NBPF12: variants seen among roughly 807,000 people sequenced by gnomAD.
NBPF12 encodes the protein NBPF member 12.
Under a neutral mutation model 146.4 loss-of-function variants are expected in NBPF12, and 115 were observed. That is an observed-to-expected ratio of 0.79 (90% CI 0.68 to 0.92). NBPF12 has a LOEUF of 0.92. Ranked by LOEUF, NBPF12 falls within the 40% of genes least tolerant of loss-of-function variation. The pLI, the probability that NBPF12 is intolerant of heterozygous loss-of-function variation, is 0.00. For synonymous variants in NBPF12, 385 were observed against 508.9 expected, an observed-to-expected ratio of 0.76 and a Z score of 3.28; for missense variants, 1,205 against 1,326.8, an observed-to-expected ratio of 0.91 and a Z score of 1.43.
intron 11 of NBPF12, 88 bp downstream of exon 14, chr1:146,969,684 A>T (rs1331736139): frequency 1.3e-5 from 20 of 1,539,584 alleles, no homozygotes; most frequent in African/African-American, 4.1e-5. Flanking sequence ...CAGTTGTATC[A>T]GTGGGGTTTT....
rs1220112759 is a variant in NBPF12 at position 146,955,009 on chromosome 1, T to C, written c.-184+3520T>C. ...ATATATATATATATATATATATATA[T>C]ATATACACACACACACACATATATA... On this transcript the variant is annotated intron_variant, in intron 2 of 33. Transcript: ENST00000617844. Among the ~76,000 whole-genome samples, 514 of 77,894 alleles carry C rather than the reference T, an allele frequency of 6.6e-3. 33 individuals are homozygous for C. Among genetic ancestry groups the C allele is most frequent in the Middle Eastern group, 0.032 (5 of 156 alleles). 51.1% of individuals were successfully genotyped at this position (77,894 alleles called of 152,430 possible). A position where few individuals can be genotyped will look rare whatever the true frequency, so the allele number is the denominator to read the frequency against.
intron 8 of NBPF12, among the ~76,000 whole-genome samples, 197 bp from the exon 12 acceptor site, chr1:146,966,267 C>T (rs1269245710): frequency 6.6e-6 from 1 of 151,894 alleles, no homozygotes; most frequent in African/African-American, 2.4e-5. Context: ...TGTTTATGTC[C>T]TGCTTTAAAG....
chr1:146,980,138 C>T (rs1657277097), intron 19 of NBPF12, among the ~76,000 whole-genome samples: 1 of 151,826 alleles, frequency 6.6e-6, no homozygotes, highest in African/African-American at 2.4e-5. Flanking sequence ...GATTGCAACC[C>T]CTGCATTTTT....
In NBPF12 at chr1:146,943,836, C is replaced by G. The variant is rs1324063788; in HGVS notation, c.-550+274C>G. ...TTTTCCTTGGTAGCTAGATCTGCATCCCTCTCCTCTCTCTTCCCCTCTCAC... is the reference window on the plus strand; with the variant it reads ...TTTTCCTTGGTAGCTAGATCTGCATGCCTCTCCTCTCTCTTCCCCTCTCAC... On this transcript the variant is annotated intron_variant, in intron 2 of 35. Coordinates refer to the NBPF12 transcript ENST00000617931. Among the ~76,000 whole-genome samples, 4 of 150,422 alleles carry G rather than the reference C, an allele frequency of 2.7e-5. No homozygotes were observed. The East Asian group carries it at 7.8e-4, about 29-fold the overall frequency.
intron 4 of NBPF12, among the ~76,000 whole-genome samples, chr1:146,961,013 G>A (rs1490908633): frequency 6.6e-6 from 1 of 152,024 alleles, no homozygotes; most frequent in Non-Finnish European, 1.5e-5. Flanking sequence ...GGGCGTCGTG[G>A]CGGGCAACTG....
chr1:146,994,818 A>G (rs1239273966), exon 34 of NBPF12: 5 of 771,294 alleles, frequency 6.5e-6, no homozygotes, highest in South Asian at 1.9e-5. Context: ...GATCAGCCGG[A>G]CATTTTAATT....
At chr1:146,992,182 G>T in intron 31 of NBPF12, 136 bp downstream of exon 34, 1 of 552,518 alleles carries the variant, frequency 1.8e-6, no homozygotes, top group Non-Finnish European at 3.1e-6. Context: ...CATTGCTGTT[G>T]GTTTTCATTG....
exon 34 of NBPF12, chr1:146,994,842 T>G: frequency 3.1e-6 from 2 of 637,288 alleles, no homozygotes; most frequent in Non-Finnish European, 5.0e-6. Context: ...ACCATGTATC[T>G]CTGGGTAGCT....
At chr1:146,946,817 G>A (rs1655097397), upstream of NBPF12, among the ~76,000 whole-genome samples, 1 of 151,556 alleles carries the variant, frequency 6.6e-6, no homozygotes, top group Non-Finnish European at 1.5e-5. Flanking sequence ...TTATGGTTTT[G>A]CACTTACATT....
chr1:146,987,733 T>TTGTGTGTGTGTG lies in NBPF12; in HGVS notation c.3117-205_3117-194dup, dbSNP rs782154969. Reference sequence around the variant, plus strand: ...TGTGCGTGTGTCTTTGTGTGTGTGTTTGTGTGTGTGTGTGTGTGTGTGTGT... The same window carrying TTGTGTGTGTGTG: ...TGTGCGTGTGTCTTTGTGTGTGTGTTTGTGTGTGTGTGTGTGTGTGTGTGTGTGTGTGTGTGT... On this transcript the variant is annotated intron_variant, in intron 25 of 33. Coordinates refer to ENST00000617844, the Ensembl canonical transcript of NBPF12. Among the ~76,000 whole-genome samples, 1,138 of 145,608 alleles carry TTGTGTGTGTGTG rather than the reference T, an allele frequency of 7.8e-3. 1 individual carries two copies. Among genetic ancestry groups the TTGTGTGTGTGTG allele is most frequent in the African/African-American group, 0.028 (1,078 of 38,684 alleles).
chr1:146,967,010 A>G (rs1656253988), intron 9 of NBPF12, among the ~76,000 whole-genome samples: 2 of 151,224 alleles, frequency 1.3e-5, no homozygotes, highest in African/African-American at 4.9e-5. Context: ...GACAAATAAC[A>G]TCTAGTCTGT....
chr1:146,970,369 C>CA (rs1656517739), intron 11 of NBPF12, among the ~76,000 whole-genome samples: 1 of 150,804 alleles, frequency 6.6e-6, no homozygotes, highest in Non-Finnish European at 1.5e-5. Flanking sequence ...AGACAGCTGC[C>CA]AAAGTCCAGA....
At chr1:146,940,866 AT>A in intron 1 of NBPF12, among the ~76,000 whole-genome samples, 1 of 152,022 alleles carries the variant, frequency 6.6e-6, no homozygotes, top group South Asian at 2.1e-4. Context: ...TGGTATTGAG[AT>A]TGAGTATCTT....
At chr1:146,974,707 C>G (rs1656872938) in intron 14 of NBPF12, 32 bp from the exon 18 acceptor site, 1 of 738,374 alleles carries the variant, frequency 1.4e-6, no homozygotes, top group South Asian at 1.6e-5. Context: ...GTCCAGCCTT[C>G]CACTGATGCA....
intron 11 of NBPF12, among the ~76,000 whole-genome samples, chr1:146,969,830 G>A (rs1364924339): frequency 0.15 from 23,010 of 150,890 alleles, 2,461 homozygotes; most frequent in Admixed American, 0.28. Flanking sequence ...TTTGGAGCAA[G>A]AGGCAGCATC....
chr1:146,949,055 C>T (rs1655206481), upstream of NBPF12, among the ~76,000 whole-genome samples: 1 of 152,026 alleles, frequency 6.6e-6, no homozygotes, highest in African/African-American at 2.4e-5. Flanking sequence ...CCACTATTAT[C>T]CTATTGTCCT....
intron 18 of NBPF12, among the ~76,000 whole-genome samples, chr1:146,978,085 G>C (rs1411167544): frequency 6.6e-6 from 1 of 151,494 alleles, no homozygotes; most frequent in Non-Finnish European, 1.5e-5. Context: ...ACTGCTCTCA[G>C]CTTTCATCTG....
intron 31 of NBPF12, among the ~76,000 whole-genome samples, chr1:146,992,463 T>TCTCA (rs1491550241): frequency 5.5e-5 from 2 of 36,200 alleles, no homozygotes; most frequent in East Asian, 1.2e-3. Context: ...TCTCTCTCTC[T>TCTCA]GTGTGTGTGT....
At chr1:146,976,518 CT>C (rs1657036109) in intron 16 of NBPF12, among the ~76,000 whole-genome samples, 11 of 99,724 alleles carry the variant, frequency 1.1e-4, no homozygotes. Context: ...GGCTTGAAAT[CT>C]TCTAATGCAT....
Sources: allele counts gnomAD v4.1 joint callset (sites outside exome capture counted in the v4.1 genomes callset), GRCh38; gene constraint gnomAD v4.1.1; transcripts MANE v1.5; gene names NCBI Gene and HGNC (gene_info 2026-07-23, HGNC 2026-07-21).